The following PPP1R12B variants were observed in gnomAD, a reference collection of about 807,000 sequenced individuals.
PPP1R12B encodes protein phosphatase 1 regulatory subunit 12B.
In PPP1R12B, 76 loss-of-function variants were observed where a neutral mutation model predicts 126.1. That is an observed-to-expected ratio of 0.60 (90% CI 0.50 to 0.73). PPP1R12B has a LOEUF of 0.73. PPP1R12B is among the 30% of genes least tolerant of loss of function. The probability of loss-of-function intolerance (pLI) is 0.00; values close to 1 mark genes in which losing one functional copy is unlikely to be tolerated. For missense variants in PPP1R12B, 1,052 were observed against 1,205.1 expected (o/e 0.87, Z 1.88); for synonymous variants, 356 against 434.7 (o/e 0.82, Z 2.25).
chr1:202,424,629 CT>C (rs1669263286), intron 3 of PPP1R12B, among the ~76,000 whole-genome samples: 1 of 152,094 alleles, frequency 6.6e-6, no homozygotes, highest in Non-Finnish European at 1.5e-5. Context: ...AGCAGTTTCT[CT>C]TTTAAGAGCT....
At chr1:202,380,053 C>T (rs1392156854) in intron 1 of PPP1R12B, among the ~76,000 whole-genome samples, 1 of 152,112 alleles carries the variant, frequency 6.6e-6, no homozygotes, top group African/African-American at 2.4e-5. Flanking sequence ...ATTCCTCAAC[C>T]TCATTCACAT....
chr1:202,567,767 A>G lies in PPP1R12B; in HGVS notation c.2758-11A>G. The G allele has an allele frequency of 6.2e-7, 1 of 1,613,800 alleles. No homozygotes were observed. On this transcript the variant is annotated splice_polypyrimidine_tract_variant and intron_variant, in intron 21 of 23. Coordinates refer to ENST00000608999, the MANE Select transcript of PPP1R12B (RefSeq NM_002481.4). Reference sequence around the variant, plus strand: ...CTTAAATAACAACTGTTTTCCTTCCATTTGCACCAGCAGAAACAAGAAAAG... The same window carrying G: ...CTTAAATAACAACTGTTTTCCTTCCGTTTGCACCAGCAGAAACAAGAAAAG...
chr1:202,523,690 TAA>T (rs778409495), intron 18 of PPP1R12B, among the ~76,000 whole-genome samples: 3 of 152,046 alleles, frequency 2.0e-5, no homozygotes, highest in Non-Finnish European at 4.4e-5. Context: ...TGATCTGACT[TAA>T]GTTGTTTTTT....
chr1:202,469,155 A>G (rs749974184), intron 13 of PPP1R12B, among the ~76,000 whole-genome samples: 5 of 152,224 alleles, frequency 3.3e-5, no homozygotes, highest in Non-Finnish European at 5.9e-5. Flanking sequence ...AAGGGTAGGC[A>G]CAATGCTAAA....
At chr1:202,494,665 C>T (rs1487907704) in intron 15 of PPP1R12B, among the ~76,000 whole-genome samples, 1 of 148,690 alleles carries the variant, frequency 6.7e-6, no homozygotes, top group East Asian at 2.0e-4. Flanking sequence ...AAGATCGCAG[C>T]ACTGCACTCC....
At chr1:202,483,503 A>T (rs1463344095) in intron 13 of PPP1R12B, among the ~76,000 whole-genome samples, 1 of 152,114 alleles carries the variant, frequency 6.6e-6, no homozygotes, top group East Asian at 1.9e-4. Context: ...CCCAGTGAGT[A>T]GTTTGGTGGG....
chr1:202,495,000 G>T (rs1366625809), intron 15 of PPP1R12B, among the ~76,000 whole-genome samples: 1 of 151,380 alleles, frequency 6.6e-6, no homozygotes, highest in Non-Finnish European at 1.5e-5. Context: ...TTTTTTACAT[G>T]GTTAATGCTA....
intron 1 of PPP1R12B, among the ~76,000 whole-genome samples, chr1:202,409,514 G>A (rs1667112199): frequency 6.6e-6 from 1 of 151,832 alleles, no homozygotes; most frequent in South Asian, 2.1e-4. Flanking sequence ...TAGAGACAGG[G>A]TTTCACCATG....
At position 202,590,989 on chromosome 1, in the gene PPP1R12B, G is replaced by GCTC. The variant is rs942795261; in HGVS notation, c.*10431_*10433dup. On this transcript the variant is annotated 3_prime_UTR_variant, in exon 24 of 24. Transcript: ENST00000608999. Reference sequence around the variant, plus strand: ...GAACTCCTGGTGCCCCATGCACACTGCTCCCATCACCTCACCAGACAGATG... The same window carrying GCTC: ...GAACTCCTGGTGCCCCATGCACACTGCTCCTCCCATCACCTCACCAGACAGATG... 23 of 152,280 alleles carry GCTC rather than the reference G, an allele frequency of 1.5e-4. No individual in the cohort carries two copies. The highest frequency in any genetic ancestry group is 5.1e-4 in the African/African-American group (21 of 41,438). The allele number at this position is 152,280 out of a possible 1,614,324, so 9.4% of individuals were successfully genotyped here. A position where few individuals can be genotyped will look rare whatever the true frequency, so the allele number is the denominator to read the frequency against.
intron 1 of PPP1R12B, among the ~76,000 whole-genome samples, chr1:202,381,398 G>GTGTGTGTGTA (rs201740753): frequency 1.6e-3 from 14 of 8,798 alleles, no homozygotes; most frequent in East Asian, 9.6e-3. Context: ...GAGCTTTGGG[G>GTGTGTGTGTA]TGTGTGTGTG....
chr1:202,355,576 A>G (rs1191635000), intron 1 of PPP1R12B, among the ~76,000 whole-genome samples: 1 of 152,182 alleles, frequency 6.6e-6, no homozygotes, highest in Non-Finnish European at 1.5e-5. Flanking sequence ...GTGACATCCT[A>G]GAGGGCTTTG....
chr1:202,361,127 T>C (rs1658122756), intron 1 of PPP1R12B, among the ~76,000 whole-genome samples: 1 of 152,168 alleles, frequency 6.6e-6, no homozygotes, highest in African/African-American at 2.4e-5. Flanking sequence ...TCTCCTGACC[T>C]TGTGATCCGC....
At chr1:202,353,981 CTG>C (rs1656561597) in intron 1 of PPP1R12B, among the ~76,000 whole-genome samples, 2 of 152,168 alleles carry the variant, frequency 1.3e-5, no homozygotes, top group African/African-American at 2.4e-5. Context: ...ATCTTCTACT[CTG>C]TGAGTATTTT....
Position 202,588,872 on chromosome 1 carries a change from T to TAGATAGATAGATAGATGATAGATA in PPP1R12B, c.*8313_*8314insGATAGATAGATAGATGATAGATAA, listed in dbSNP as rs111697917. On this transcript the variant is annotated 3_prime_UTR_variant, in exon 24 of 24. Transcript: ENST00000608999. ...ATAGATAGATAGATAGATAGATAGA[T>TAGATAGATAGATAGATGATAGATA]ATCAAGGTTCCAAGCTTCAAGTAAC... 1.2e-4 allele frequency: 18 copies of TAGATAGATAGATAGATGATAGATA among 147,078 alleles called. No individual in the cohort carries two copies. Among genetic ancestry groups the TAGATAGATAGATAGATGATAGATA allele is most frequent in the African/African-American group, 4.7e-4 (18 of 37,920 alleles). 9.1% of individuals were successfully genotyped at this position (147,078 alleles called of 1,614,324 possible). A position where few individuals can be genotyped will look rare whatever the true frequency, so the allele number is the denominator to read the frequency against.
intron 20 of PPP1R12B, among the ~76,000 whole-genome samples, chr1:202,563,886 AG>A: frequency 6.6e-6 from 1 of 152,166 alleles, no homozygotes; most frequent in East Asian, 1.9e-4. Context: ...TGGGCAATAT[AG>A]TGAGACCCCC....
At position 202,449,267 on chromosome 1, in the gene PPP1R12B, T is replaced by C; in HGVS notation, c.1850+96T>C. ...TGTTTTTCCCAATTTCAAATACGTT[T>C]ATGAAAATATGTCTTTTTTTTTTTT... On this transcript the variant is annotated intron_variant, in intron 13 of 23. Transcript: ENST00000608999. The C allele has an allele frequency of 3.4e-6, 5 of 1,462,898 alleles. No individual in the cohort carries two copies. In the South Asian group the frequency reaches 7.3e-5, roughly 21 times the overall value. The allele number at this position is 1,462,898 out of a possible 1,614,324, so 90.6% of individuals were successfully genotyped here.
intron 18 of PPP1R12B, among the ~76,000 whole-genome samples, chr1:202,500,218 GCTCTCTCT>G (rs151303629): frequency 4.1e-5 from 6 of 146,158 alleles, no homozygotes; most frequent in African/African-American, 7.6e-5. Context: ...TCTCTCTCTT[GCTCTCTCT>G]CTCTCTCTCT....
intron 2 of PPP1R12B, among the ~76,000 whole-genome samples, chr1:202,418,562 C>G (rs918676152): frequency 6.6e-6 from 1 of 151,966 alleles, no homozygotes; most frequent in Non-Finnish European, 1.5e-5. Flanking sequence ...CAATCTCTAG[C>G]TCAAACAAAT....
chr1:202,568,115 A>C (rs1688229202), intron 22 of PPP1R12B, among the ~76,000 whole-genome samples: 1 of 152,104 alleles, frequency 6.6e-6, no homozygotes, highest in African/African-American at 2.4e-5. Context: ...GACTGTGGGC[A>C]GAACTGCATA....
Sources: gnomAD v4.1 joint callset for allele counts (sites outside exome capture counted in the v4.1 genomes callset) on GRCh38, gnomAD v4.1.1 for gene constraint, MANE v1.5 for transcripts, NCBI Gene and HGNC (gene_info 2026-07-23, HGNC 2026-07-21) for gene names.